DCC: variants seen among roughly 807,000 people sequenced by gnomAD.
DCC encodes the protein DCC netrin 1 receptor.
Under a neutral mutation model 172.5 loss-of-function variants are expected in DCC, and 58 were observed. The observed-to-expected ratio is 0.34, with a 90% CI of 0.27 to 0.42. The LOEUF (loss-of-function observed/expected upper bound fraction) is 0.42, where lower values mean the gene tolerates loss of function less well. DCC is among the 10% of genes least tolerant of loss of function. DCC has a pLI of 1.00. For synonymous variants in DCC, 709 were observed against 644.5 expected, an observed-to-expected ratio of 1.10 and a Z score of -1.52; for missense variants, 1,740 against 1,791.0, an observed-to-expected ratio of 0.97 and a Z score of 0.51.
At chr18:53,463,070 C>G (rs1568148109) in intron 24 of DCC, among the ~76,000 whole-genome samples, 1 of 152,210 alleles carries the variant, frequency 6.6e-6, no homozygotes, top group Non-Finnish European at 1.5e-5. Flanking sequence ...TTGCAGGAAC[C>G]TCCATATTTT....
At chr18:52,822,057 A>G (rs2038416599) in intron 2 of DCC, among the ~76,000 whole-genome samples, 1 of 152,230 alleles carries the variant, frequency 6.6e-6, no homozygotes, top group Non-Finnish European at 1.5e-5. Flanking sequence ...TTTGCATTTG[A>G]AATGAACCCA....
chr18:53,269,902 G>A (rs943369526), intron 12 of DCC, among the ~76,000 whole-genome samples: 1 of 152,118 alleles, frequency 6.6e-6, no homozygotes, highest in Non-Finnish European at 1.5e-5. Flanking sequence ...GCTGGAGAAT[G>A]GATGGCAATA....
At chr18:53,355,046 T>G (rs889293236) in intron 15 of DCC, among the ~76,000 whole-genome samples, 7 of 152,154 alleles carry the variant, frequency 4.6e-5, no homozygotes, top group African/African-American at 7.2e-5. Context: ...TTTCCCCATT[T>G]CTTGTTTTTG....
intron 2 of DCC, among the ~76,000 whole-genome samples, chr18:52,856,625 C>CAA (rs11426617): frequency 0.34 from 27,881 of 82,614 alleles, 6,120 homozygotes; most frequent in Middle Eastern, 0.52. Context: ...GACTCCATCT[C>CAA]AAAAAAAAAA....
intron 1 of DCC, among the ~76,000 whole-genome samples, chr18:52,745,533 T>G (rs375267552): frequency 2.6e-5 from 4 of 152,200 alleles, no homozygotes; most frequent in Non-Finnish European, 5.9e-5. Context: ...TTGTACACAT[T>G]TATAGGATAC....
At chr18:52,529,235 G>A (rs1181690231) in intron 1 of DCC, among the ~76,000 whole-genome samples, 1 of 152,162 alleles carries the variant, frequency 6.6e-6, no homozygotes, top group Non-Finnish European at 1.5e-5. Context: ...TAAAGAAAGA[G>A]CAATCCCATT....
At chr18:53,138,803 A>C (rs534759489) in intron 7 of DCC, among the ~76,000 whole-genome samples, 2 of 152,200 alleles carry the variant, frequency 1.3e-5, no homozygotes, top group Admixed American at 1.3e-4. Context: ...GCTACCAAAT[A>C]CTGTAAATGC....
At chr18:53,181,345 A>C (rs2055193025) in intron 9 of DCC, among the ~76,000 whole-genome samples, 1 of 151,336 alleles carries the variant, frequency 6.6e-6, no homozygotes. Context: ...TTTCCCCTTG[A>C]TCAATACTAT....
intron 27 of DCC, among the ~76,000 whole-genome samples, chr18:53,518,108 A>G (rs934994063): frequency 2.0e-5 from 3 of 152,146 alleles, no homozygotes; most frequent in African/African-American, 7.2e-5. Flanking sequence ...CTTAATAATA[A>G]GTATATATAA....
chr18:53,495,621 A>T (rs1455833888), intron 26 of DCC, among the ~76,000 whole-genome samples: 2 of 151,980 alleles, frequency 1.3e-5, no homozygotes, highest in Non-Finnish European at 2.9e-5. Flanking sequence ...GCTGTTCTCG[A>T]GGAGTATCTT....
chr18:53,272,454 C>T (rs373073699), intron 12 of DCC, among the ~76,000 whole-genome samples: 3 of 152,106 alleles, frequency 2.0e-5, no homozygotes, highest in Non-Finnish European at 2.9e-5. Flanking sequence ...TCAATTGCCA[C>T]TCTTTGCCAG....
intron 1 of DCC, among the ~76,000 whole-genome samples, chr18:52,706,194 A>T (rs886228462): frequency 7.1e-6 from 1 of 141,706 alleles, no homozygotes; most frequent in African/African-American, 2.4e-5. Flanking sequence ...TAATTCTATT[A>T]AAAAAAAGAA....
At position 53,264,121 on chromosome 18, in the gene DCC, T is replaced by C. The variant is rs1462813829; in HGVS notation, c.1912-41457T>C. Among the ~76,000 whole-genome samples the C allele has an allele frequency of 3.9e-5, 6 of 152,286 alleles. 1 individual carries two copies. The highest frequency in any genetic ancestry group is 3.9e-4 in the Admixed American group (6 of 15,288). Reference sequence around the variant, plus strand: ...CTAATGGTAATACAGCCTCTTACATTGTTGGTCCTTACATTTCATAAAGTC... The same window carrying C: ...CTAATGGTAATACAGCCTCTTACATCGTTGGTCCTTACATTTCATAAAGTC... On this transcript the variant is annotated intron_variant, in intron 12 of 28. Coordinates refer to ENST00000442544, the MANE Select transcript of DCC (RefSeq NM_005215.4).
At chr18:52,721,973 G>A (rs974361664) in intron 1 of DCC, among the ~76,000 whole-genome samples, 4 of 152,122 alleles carry the variant, frequency 2.6e-5, no homozygotes, top group Non-Finnish European at 5.9e-5. Context: ...GCAGTGAGCC[G>A]AGATTGCATC....
chr18:53,343,943 TTTTC>T (rs574039125), intron 15 of DCC, among the ~76,000 whole-genome samples: 1 of 152,012 alleles, frequency 6.6e-6, no homozygotes, highest in Non-Finnish European at 1.5e-5. Context: ...ATTCATAATG[TTTTC>T]TTTATCTGTT....
At chr18:52,388,409 G>T (rs1985901251) in intron 1 of DCC, among the ~76,000 whole-genome samples, 1 of 152,036 alleles carries the variant, frequency 6.6e-6, no homozygotes, top group Non-Finnish European at 1.5e-5. Flanking sequence ...TCAGACAAGA[G>T]AATTAATTTT....
chr18:53,072,185 A>G (rs1205197249), intron 7 of DCC, among the ~76,000 whole-genome samples: 2 of 152,178 alleles, frequency 1.3e-5, no homozygotes, highest in African/African-American at 4.8e-5. Context: ...AAGTTTCAGT[A>G]GCCAGAGTTG....
intron 1 of DCC, among the ~76,000 whole-genome samples, chr18:52,585,510 T>C (rs2033648673): frequency 1.3e-5 from 2 of 152,198 alleles, no homozygotes; most frequent in Admixed American, 1.3e-4. Flanking sequence ...GAATGGCTAA[T>C]AGTTTCTTAG....
At chr18:53,224,642 A>G (rs1022011305) in intron 12 of DCC, among the ~76,000 whole-genome samples, 8 of 152,108 alleles carry the variant, frequency 5.3e-5, no homozygotes, top group African/African-American at 1.9e-4. Flanking sequence ...GGAAGTAGAA[A>G]CAATCAGGGT....
Sources: allele counts gnomAD v4.1 joint callset (sites outside exome capture counted in the v4.1 genomes callset), GRCh38; gene constraint gnomAD v4.1.1; transcripts MANE v1.5; gene names NCBI Gene and HGNC (gene_info 2026-07-23, HGNC 2026-07-21).